COL19A1: variants seen among roughly 807,000 people sequenced by gnomAD.
The protein encoded by COL19A1 is collagen alpha-1(XIX) chain.
Under a neutral mutation model 190.2 loss-of-function variants are expected in COL19A1, and 159 were observed. The observed-to-expected ratio is 0.84, with a 90% CI of 0.73 to 0.95. COL19A1 has a LOEUF of 0.95. Among genes scored for constraint, COL19A1 ranks in the 40% least tolerant of loss-of-function variants. The probability of loss-of-function intolerance (pLI) is 0.00; values close to 1 mark genes in which losing one functional copy is unlikely to be tolerated. For missense variants in COL19A1, 1,418 were observed against 1,431.9 expected (o/e 0.99, Z 0.16); for synonymous variants, 509 against 458.9 (o/e 1.11, Z -1.39).
At chr6:70,192,949 G>A (rs979985326) in intron 48 of COL19A1, among the ~76,000 whole-genome samples, 1 of 152,096 alleles carries the variant, frequency 6.6e-6, no homozygotes, top group Non-Finnish European at 1.5e-5. Flanking sequence ...GGGCTGTAGT[G>A]TCTTTATTTA....
chr6:70,194,816 T>A (rs995380471), intron 48 of COL19A1, among the ~76,000 whole-genome samples: 6 of 152,106 alleles, frequency 3.9e-5, no homozygotes, highest in African/African-American at 1.4e-4. Flanking sequence ...GAGTCAAACA[T>A]GGGACCAATA....
chr6:70,037,044 G>A (rs1779390828), intron 14 of COL19A1, among the ~76,000 whole-genome samples: 2 of 152,142 alleles, frequency 1.3e-5, no homozygotes, highest in Admixed American at 6.6e-5. Flanking sequence ...CATTCAATTT[G>A]CAGTGGAAGT....
chr6:70,191,809 A>G (rs1313069717), intron 48 of COL19A1, among the ~76,000 whole-genome samples: 1 of 152,132 alleles, frequency 6.6e-6, no homozygotes, highest in Non-Finnish European at 1.5e-5. Context: ...AGATTGTTGA[A>G]TTTTTTTAAG....
At chr6:70,116,445 C>A (rs529901393) in intron 16 of COL19A1, among the ~76,000 whole-genome samples, 1 of 152,246 alleles carries the variant, frequency 6.6e-6, no homozygotes, top group South Asian at 2.1e-4. Flanking sequence ...TCCTTGCCCT[C>A]ACAAAGTTTT....
At chr6:69,963,394 G>A (rs1202531129) in intron 11 of COL19A1, among the ~76,000 whole-genome samples, 2 of 152,202 alleles carry the variant, frequency 1.3e-5, no homozygotes. Flanking sequence ...GGATTGTGCA[G>A]TATCCCAGGT....
At chr6:70,138,924 C>G (rs1786055217) in intron 19 of COL19A1, among the ~76,000 whole-genome samples, 1 of 152,044 alleles carries the variant, frequency 6.6e-6, no homozygotes, top group Non-Finnish European at 1.5e-5. Context: ...TACCTGCCAA[C>G]TCTCTAGGTG....
At chr6:70,043,020 G>A (rs1779708829) in intron 14 of COL19A1, among the ~76,000 whole-genome samples, 1 of 152,024 alleles carries the variant, frequency 6.6e-6, no homozygotes. Context: ...CATCCGTGGG[G>A]TTTGGAATCA....
chr6:70,118,637 A>T (rs535771851), intron 16 of COL19A1, among the ~76,000 whole-genome samples: 75 of 152,356 alleles, frequency 4.9e-4, no homozygotes, highest in African/African-American at 1.8e-3. Context: ...GTAGAACCTA[A>T]AACTTCAGAT....
At chr6:70,029,651 A>G (rs982261224) in intron 12 of COL19A1, among the ~76,000 whole-genome samples, 1 of 152,176 alleles carries the variant, frequency 6.6e-6, no homozygotes, top group Non-Finnish European at 1.5e-5. Context: ...CTCAGAGGCT[A>G]TTACAATGCC....
intron 46 of COL19A1, among the ~76,000 whole-genome samples, chr6:70,187,770 C>T (rs111426403): frequency 3.9e-5 from 6 of 151,980 alleles, no homozygotes; most frequent in African/African-American, 1.2e-4. Flanking sequence ...TGCCATCATC[C>T]TAGATGGGCA....
chr6:70,048,816 T>C, intron 14 of COL19A1, among the ~76,000 whole-genome samples: 1 of 152,222 alleles, frequency 6.6e-6, no homozygotes, highest in Non-Finnish European at 1.5e-5. Context: ...TTTTAAATGC[T>C]TAGAATAGAA....
rs76387219 is a variant in COL19A1 at position 70,116,976 on chromosome 6, A to G, written c.1279-4904A>G. 1.3e-3 allele frequency among the ~76,000 whole-genome samples: 203 copies of G among 152,336 alleles called. 1 individual carries two copies. Among genetic ancestry groups the G allele is most frequent in the African/African-American group, 4.6e-3 (193 of 41,586 alleles). On this transcript the variant is annotated intron_variant, in intron 16 of 50. Coordinates refer to ENST00000620364, the MANE Select transcript of COL19A1 (RefSeq NM_001858.6). ...ATAGGAGATTGAAGAGCTATGGTGC[A>G]TAAGTGGCATCTGGATGGCTCAAGG...
intron 15 of COL19A1, among the ~76,000 whole-genome samples, chr6:70,082,303 G>A: frequency 6.6e-6 from 1 of 152,106 alleles, no homozygotes; most frequent in Non-Finnish European, 1.5e-5. Context: ...AATATTCTGA[G>A]AGTCTAAAAT....
At chr6:70,066,214 G>A (rs1185325657) in intron 14 of COL19A1, among the ~76,000 whole-genome samples, 2 of 152,136 alleles carry the variant, frequency 1.3e-5, no homozygotes, top group Non-Finnish European at 2.9e-5. Flanking sequence ...GTCCAACAGT[G>A]ATAGACTGGA....
chr6:70,130,123 G>A (rs1259219247), intron 17 of COL19A1, 59 bp from the exon 18 acceptor site: 2 of 1,576,166 alleles, frequency 1.3e-6, no homozygotes, highest in African/African-American at 2.7e-5. Flanking sequence ...GTTACAGATT[G>A]AATGTGTTAA....
intron 16 of COL19A1, among the ~76,000 whole-genome samples, chr6:70,105,890 A>G (rs887633052): frequency 2.6e-5 from 4 of 152,214 alleles, no homozygotes; most frequent in Non-Finnish European, 4.4e-5. Flanking sequence ...AAATAAGTGA[A>G]TATTTTATAT....
intron 9 of COL19A1, among the ~76,000 whole-genome samples, chr6:69,950,855 A>G (rs746196911): frequency 3.3e-5 from 5 of 151,938 alleles, no homozygotes; most frequent in Non-Finnish European, 7.4e-5. Context: ...TACTTCAAAC[A>G]AAAAAGTGCC....
chr6:70,053,449 G>T (rs898171407), intron 14 of COL19A1, among the ~76,000 whole-genome samples: 3 of 152,096 alleles, frequency 2.0e-5, no homozygotes, highest in Admixed American at 6.5e-5. Context: ...CAACCCAATA[G>T]ACTGGAAAGT....
At chr6:70,200,705 C>T (rs583618) in intron 49 of COL19A1, among the ~76,000 whole-genome samples, 55,800 of 151,752 alleles carry the variant, frequency 0.37, 11,417 homozygotes, top group African/African-American at 0.56. Flanking sequence ...TATTGAGCCT[C>T]ATTTTCTGAA....
Sources: gnomAD v4.1 joint callset for allele counts (sites outside exome capture counted in the v4.1 genomes callset) on GRCh38, gnomAD v4.1.1 for gene constraint, MANE v1.5 for transcripts, NCBI Gene and HGNC (gene_info 2026-07-23, HGNC 2026-07-21) for gene names.